Variants in UBE3B observed in about 807,000 individuals in gnomAD.
UBE3B encodes the protein ubiquitin protein ligase E3B.
UBE3B carries 80 observed loss-of-function variants against 132.3 expected under a neutral mutation model. That is an observed-to-expected ratio of 0.60 (90% CI 0.50 to 0.73). The LOEUF is 0.73. Ranked by LOEUF, UBE3B falls within the 30% of genes least tolerant of loss-of-function variation. The probability of loss-of-function intolerance (pLI) is 0.00; values close to 1 mark genes in which losing one functional copy is unlikely to be tolerated. For missense variants in UBE3B, 1,196 were observed against 1,362.5 expected, an observed-to-expected ratio of 0.88 and a Z score of 1.92; for synonymous variants, 487 against 520.4, an observed-to-expected ratio of 0.94 and a Z score of 0.87.
chr12:109,510,294 C>A (rs376885266), intron 16 of UBE3B, 50 bp from the exon 17 acceptor site: 1 of 1,448,476 alleles, frequency 6.9e-7, no homozygotes, highest in Non-Finnish European at 9.5e-7. Flanking sequence ...CCTCCCCTTG[C>A]TCTCTGGCTC....
At chr12:109,524,575 T>C in intron 23 of UBE3B, 72 bp downstream of exon 23, 4 of 1,542,248 alleles carry the variant, frequency 2.6e-6, no homozygotes, top group South Asian at 1.1e-5. Flanking sequence ...GTGTTATTTG[T>C]TTTCCTCAGA....
intron 18 of UBE3B, among the ~76,000 whole-genome samples, chr12:109,513,279 T>C (rs1327580897): frequency 1.3e-5 from 2 of 152,192 alleles, no homozygotes; most frequent in Non-Finnish European, 2.9e-5. Flanking sequence ...TGTTTCTCTG[T>C]GGTTCACGTG....
At chr12:109,532,145 G>C (rs989587107) in intron 26 of UBE3B, among the ~76,000 whole-genome samples, 4 of 152,144 alleles carry the variant, frequency 2.6e-5, no homozygotes, top group African/African-American at 9.7e-5. Flanking sequence ...ACCTGAATTT[G>C]CAGCGGGCAG....
chr12:109,481,877 C>T lies in UBE3B; in HGVS notation c.-22+135C>T, dbSNP rs377395669. The T allele has an allele frequency of 5.3e-5, 8 of 152,176 alleles. No homozygotes were observed. In the South Asian group the frequency reaches 1.5e-3, roughly 28 times the overall value. 9.4% of individuals were successfully genotyped at this position (152,176 alleles called of 1,614,324 possible). On this transcript the variant is annotated intron_variant, in intron 2 of 27. Coordinates refer to ENST00000342494, the MANE Select transcript of UBE3B (RefSeq NM_130466.4). ...AGTGTTTTTTTAAAAAAGTTGAAAC[C>T]CACAATTACTTTTGTACCAACCTAA...
the UBE3B span, among the ~76,000 whole-genome samples, chr12:109,544,718 TACTC>T: frequency 2.6e-5 from 4 of 152,278 alleles, no homozygotes; most frequent in Admixed American, 1.3e-4. Context: ...TACTGGTAAT[TACTC>T]AGCTGTGGGA....
chr12:109,507,469 T>A, intron 14 of UBE3B, 95 bp from the exon 15 acceptor site: 1 of 1,321,326 alleles, frequency 7.6e-7, no homozygotes. Flanking sequence ...TGTTCATGGA[T>A]AGGTTTAAGT....
downstream of UBE3B, among the ~76,000 whole-genome samples, chr12:109,539,007 G>T (rs182252219): frequency 6.6e-6 from 1 of 152,132 alleles, no homozygotes; most frequent in East Asian, 1.9e-4. Context: ...AGGCTGAGGC[G>T]GGCAGATCCC....
intron 9 of UBE3B, among the ~76,000 whole-genome samples, chr12:109,494,801 C>T (rs928008722): frequency 2.0e-5 from 3 of 152,158 alleles, no homozygotes; most frequent in African/African-American, 7.2e-5. Flanking sequence ...GGCAGCCCTG[C>T]AGTCCTATAA....
chr12:109,480,600 A>G (rs11609921), intron 1 of UBE3B, among the ~76,000 whole-genome samples: 25,567 of 151,538 alleles, frequency 0.17, 2,218 homozygotes, highest in African/African-American at 0.18. Context: ...GCAATGAACC[A>G]TGATTGCACC....
chr12:109,493,065 T>C (rs1877702213), intron 9 of UBE3B, among the ~76,000 whole-genome samples: 1 of 152,268 alleles, frequency 6.6e-6, no homozygotes, highest in Admixed American at 6.5e-5. Flanking sequence ...TCATTAGTTA[T>C]GGAAGTATAA....
chr12:109,491,245 G>A, intron 9 of UBE3B, 118 bp downstream of exon 9: 2 of 877,398 alleles, frequency 2.3e-6, no homozygotes, highest in South Asian at 4.2e-5. Context: ...CAGAATTTAT[G>A]GGAAGCATTG....
In UBE3B at chr12:109,488,569, C is replaced by T; in HGVS notation, c.448-3C>T. On this transcript the variant is annotated splice_polypyrimidine_tract_variant and splice_region_variant and intron_variant, in intron 6 of 27. Transcript: ENST00000342494. ...TTAATCTTGCTGTGTTTATTGTTTC[C>T]AGCCTGAAATCCTGCAGGACTCCCG... The T allele has an allele frequency of 6.2e-7, 1 of 1,613,556 alleles. No homozygotes were observed. The highest frequency in any genetic ancestry group is 1.3e-5 in the African/African-American group (1 of 75,006).
At chr12:109,524,143 G>A (rs200433175) in intron 22 of UBE3B, 28 bp downstream of exon 22, 63 of 1,613,294 alleles carry the variant, frequency 3.9e-5, no homozygotes, top group Middle Eastern at 3.3e-4. Context: ...GGTGAGCTAA[G>A]CCGAGCACTG....
intron 11 of UBE3B, among the ~76,000 whole-genome samples, chr12:109,498,707 T>G (rs1376156684): frequency 6.6e-6 from 1 of 152,242 alleles, no homozygotes; most frequent in African/African-American, 2.4e-5. Flanking sequence ...CAGCGCCTGC[T>G]TTACCTATTT....
chr12:109,499,932 A>G (rs1238290123), intron 12 of UBE3B, 122 bp downstream of exon 12: 2 of 844,320 alleles, frequency 2.4e-6, no homozygotes, highest in South Asian at 4.8e-5. Flanking sequence ...TGTATTCATT[A>G]TATATTAATA....
chr12:109,524,584 G>T, intron 23 of UBE3B, 81 bp downstream of exon 23: 1 of 1,489,344 alleles, frequency 6.7e-7, no homozygotes, highest in South Asian at 1.2e-5. Flanking sequence ...GTTTTCCTCA[G>T]AAAGAGCCCC....
chr12:109,547,384 G>A, the UBE3B span, among the ~76,000 whole-genome samples: 6 of 152,204 alleles, frequency 3.9e-5, no homozygotes, highest in African/African-American at 1.4e-4. The surrounding 1 kb of genome is among the most constrained non-coding windows in gnomAD (Gnocchi z 4.1). Context: ...ATGCAGTGCC[G>A]GCCATGCAGG....
intron 24 of UBE3B, chr12:109,528,391 T>A: frequency 1.0e-6 from 1 of 985,278 alleles, no homozygotes; most frequent in African/African-American, 1.7e-5. Flanking sequence ...GATAGGAAAA[T>A]CGTATTTGTA....
chr12:109,497,948 G>T (rs375050551), intron 10 of UBE3B, 25 bp downstream of exon 10: 2 of 1,608,598 alleles, frequency 1.2e-6, no homozygotes, highest in Non-Finnish European at 1.7e-6. Context: ...TGAGTTCCCC[G>T]TGAAAACCCA....
Sources: allele counts gnomAD v4.1 joint callset (sites outside exome capture counted in the v4.1 genomes callset), GRCh38; gene constraint gnomAD v4.1.1; non-coding constraint Gnocchi (gnomAD v3.1); transcripts MANE v1.5; gene names NCBI Gene and HGNC (gene_info 2026-07-23, HGNC 2026-07-21).